Variants in ZDHHC1 observed in about 807,000 individuals in gnomAD.
The protein encoded by ZDHHC1 is zDHHC palmitoyltransferase 1, also known as palmitoyltransferase ZDHHC1.
Under a neutral mutation model 46.9 loss-of-function variants are expected in ZDHHC1, and 45 were observed. The observed-to-expected ratio is 0.96, with a 90% CI of 0.76 to 1.23. ZDHHC1 has a LOEUF of 1.23. Among genes scored for constraint, ZDHHC1 ranks in the 50% most tolerant of loss-of-function variants. The pLI, the probability that ZDHHC1 is intolerant of heterozygous loss-of-function variation, is 0.00. For missense variants in ZDHHC1, 649 were observed against 670.8 expected, an observed-to-expected ratio of 0.97 and a Z score of 0.36; for synonymous variants, 291 against 286.0, an observed-to-expected ratio of 1.02 and a Z score of -0.18.
At chr16:67,412,222 G>A (rs976433794) in intron 1 of ZDHHC1, among the ~76,000 whole-genome samples, 2 of 152,042 alleles carry the variant, frequency 1.3e-5, no homozygotes, top group African/African-American at 4.8e-5. Flanking sequence ...GCATCCCCTA[G>A]GAATGAGACC....
rs1318735072 is a variant in ZDHHC1, at chr16:67,401,922, C to T, written c.253-790G>A. Reference sequence around the variant, plus strand: ...TCCACTCTCCCTCCCTTGATCACACCCACTTCAGCCCAAAATTCCACTGGT... The same window carrying T: ...TCCACTCTCCCTCCCTTGATCACACTCACTTCAGCCCAAAATTCCACTGGT... On this transcript the variant is annotated intron_variant, in intron 3 of 11. Transcript: ENST00000565726. This position sits in a 1 kb window ranked among gnomAD's most constrained non-coding sequence, Gnocchi z 4.6. Among the ~76,000 whole-genome samples, 1 of 152,184 alleles carries T rather than the reference C, an allele frequency of 6.6e-6. No homozygotes were observed. The highest frequency in any genetic ancestry group is 1.5e-5 in the Non-Finnish European group (1 of 68,020).
rs778766927 is a variant in ZDHHC1, at chr16:67,399,458, T to C, written c.429-2A>G. On this transcript the variant is annotated splice_acceptor_variant, in intron 4 of 11. Transcript: ENST00000565726. LOFTEE classifies it high-confidence loss of function. ...CTGCAGTGCTTGGAGCGAGCGCTCC[T>C]GCAGGGAGAGGGGGCACAGCGCGAT... is the stretch of plus-strand genomic sequence containing the variant. The C allele has an allele frequency of 1.2e-6, 2 of 1,608,716 alleles. No individual in the cohort carries two copies. The highest frequency in any genetic ancestry group is 1.7e-6 in the Non-Finnish European group (2 of 1,176,942).
intron 7 of ZDHHC1, 120 bp downstream of exon 7, chr16:67,398,453 G>A: frequency 6.6e-7 from 1 of 1,512,760 alleles, no homozygotes; most frequent in Non-Finnish European, 8.9e-7. Context: ...GTGAGACCTG[G>A]CCACCATAGT....
chr16:67,401,040 A>G lies in ZDHHC1; in HGVS notation c.345T>C (p.Tyr115=), dbSNP rs745838350. 3.1e-6 allele frequency: 5 copies of G among 1,614,156 alleles called. No individual in the cohort carries two copies. Among genetic ancestry groups the G allele is most frequent in the Non-Finnish European group, 4.2e-6 (5 of 1,180,038 alleles). Reference sequence around the variant, plus strand: ...GGTTGAAGATGGGCAGGGGCCCCGCATAGCTCTTGTCCCGCACGTTGGCAT... The same window carrying G: ...GGTTGAAGATGGGCAGGGGCCCCGCGTAGCTCTTGTCCCGCACGTTGGCAT... ...PADANVRDKS[Y]AGPLPIFNRS... Residue 115 remains tyrosine, a synonymous_variant, in exon 4 of 12, where the codon TAT becomes TAC. Transcript: ENST00000565726. This position sits in a 1 kb window ranked among gnomAD's most constrained non-coding sequence, Gnocchi z 4.6.
intron 5 of ZDHHC1, 38 bp from the exon 6 acceptor site, chr16:67,398,982 C>G: frequency 6.2e-7 from 1 of 1,602,878 alleles, no homozygotes; most frequent in East Asian, 2.3e-5. Context: ...CTCCCCGGAG[C>G]TCCAGCCTCA....
At chr16:67,414,535 C>G (rs1247953996) in intron 1 of ZDHHC1, among the ~76,000 whole-genome samples, 1 of 152,230 alleles carries the variant, frequency 6.6e-6, no homozygotes, top group African/African-American at 2.4e-5. Context: ...CCAACACCAG[C>G]ATTTAGAATG....
chr16:67,394,583 A>ACTCGGCCCTCCGGCCT lies in ZDHHC1; in HGVS notation c.*11_*26dup. 1 of 1,155,058 alleles carries ACTCGGCCCTCCGGCCT rather than the reference A, an allele frequency of 8.7e-7. No individual in the cohort carries two copies. The highest frequency in any genetic ancestry group is 1.1e-6 in the Non-Finnish European group (1 of 939,376). The allele number at this position is 1,155,058 out of a possible 1,614,324, so 71.6% of individuals were successfully genotyped here. ...ATAGAGAGTCAGGCCGGCCGCTCTA[A>ACTCGGCCCTCCGGCCT]CTCGGCCCTCCGGCCTCTCGGCCCA... On this transcript the variant is annotated 3_prime_UTR_variant, in exon 12 of 12. Coordinates refer to ENST00000565726, the MANE Select transcript of ZDHHC1 (RefSeq NM_001323627.2).
At chr16:67,407,522 T>G (rs961448221) in intron 2 of ZDHHC1, among the ~76,000 whole-genome samples, 1 of 152,204 alleles carries the variant, frequency 6.6e-6, no homozygotes, top group East Asian at 1.9e-4. Flanking sequence ...ATCCACAGAA[T>G]GAGGCTTGAT....
chr16:67,403,906 G>A (rs924275794), intron 3 of ZDHHC1, among the ~76,000 whole-genome samples: 5 of 152,268 alleles, frequency 3.3e-5, no homozygotes, highest in African/African-American at 9.6e-5. Context: ...GAACCATCGC[G>A]CCCGGCCTTG....
intron 3 of ZDHHC1, among the ~76,000 whole-genome samples, chr16:67,402,280 T>A (rs1250834158): frequency 1.3e-5 from 2 of 152,196 alleles, no homozygotes; most frequent in African/African-American, 4.8e-5. Context: ...GAGTAAGTTT[T>A]TAAAAGCTCA....
chr16:67,412,924 C>G (rs1263115311), intron 1 of ZDHHC1, among the ~76,000 whole-genome samples: 1 of 151,958 alleles, frequency 6.6e-6, no homozygotes, highest in Non-Finnish European at 1.5e-5. Context: ...CCTCAGCCTC[C>G]CGAGTAGCTG....
At position 67,406,006 on chromosome 16, in the gene ZDHHC1, C is replaced by G. The variant is rs1459370032; in HGVS notation, c.252+194G>C. ...AGGTATTTTAGGCATGCCCACTCAC[C>G]CTATCAGGTGGAGAGGTCAGGTGGA... On this transcript the variant is annotated intron_variant, in intron 3 of 11. Transcript: ENST00000565726. This position sits in a 1 kb window ranked among gnomAD's most constrained non-coding sequence, Gnocchi z 4.1. 2.6e-5 allele frequency among the ~76,000 whole-genome samples: 4 copies of G among 152,174 alleles called. No homozygotes were observed. The South Asian group carries it at 6.2e-4, about 24-fold the overall frequency.
Position 67,394,539 on chromosome 16 carries a change from G to A in ZDHHC1, c.*71C>T. ...GGGGCCCCTAAAGTGCACTCGGTGC[G>A]GCAAGGATGGGGTGTTGCATAGAGA... On this transcript the variant is annotated 3_prime_UTR_variant, in exon 12 of 12. Transcript: ENST00000565726. 2.7e-6 allele frequency: 3 copies of A among 1,117,390 alleles called. No individual in the cohort carries two copies. The highest frequency in any genetic ancestry group is 1.6e-5 in the African/African-American group (1 of 60,726). The allele number at this position is 1,117,390 out of a possible 1,614,324, so 69.2% of individuals were successfully genotyped here. A position where few individuals can be genotyped will look rare whatever the true frequency, so the allele number is the denominator to read the frequency against.
At chr16:67,412,550 G>C (rs931786074) in intron 1 of ZDHHC1, among the ~76,000 whole-genome samples, 1 of 152,208 alleles carries the variant, frequency 6.6e-6, no homozygotes, top group African/African-American at 2.4e-5. Context: ...GCAGAGCTAT[G>C]AGGAAAAGCC....
chr16:67,400,306 G>C (rs183003223), intron 4 of ZDHHC1, among the ~76,000 whole-genome samples: 1 of 152,340 alleles, frequency 6.6e-6, no homozygotes, highest in East Asian at 1.9e-4. Flanking sequence ...CTGGAGACTG[G>C]GGGGCTCCAG....
intron 8 of ZDHHC1, 192 bp from the exon 9 acceptor site, chr16:67,395,758 C>T (rs2040419259): frequency 1.6e-6 from 1 of 614,520 alleles, no homozygotes; most frequent in Non-Finnish European, 2.8e-6. Context: ...GGCCCTTGCC[C>T]CATCCCCAGG....
At chr16:67,399,520 C>A in intron 4 of ZDHHC1, 64 bp from the exon 5 acceptor site, 1 of 1,447,698 alleles carries the variant, frequency 6.9e-7, no homozygotes, top group South Asian at 1.2e-5. Flanking sequence ...CCCGGCCGGT[C>A]GGGGTGGTTG....
At chr16:67,398,153 C>G in intron 8 of ZDHHC1, 59 bp downstream of exon 8, 1 of 1,546,028 alleles carries the variant, frequency 6.5e-7, no homozygotes, top group Non-Finnish European at 8.9e-7. Flanking sequence ...ACTGGCTGCT[C>G]GCTGCACAGC....
rs746721157 is a variant in ZDHHC1 at position 67,395,490 on chromosome 16, T to C, written c.1004A>G (p.Asn335Ser). ...PPGQAGPAAV[N>S]ANPSQFLATR... ...ATGCCCAGGTTGCACTCACTTGGCA[T>C]TCACTGCTGCTGGCCCGGCCTGGCC... The change falls in exon 9 of 12, where the codon AAT becomes AGT. Residue 335 changes from asparagine (N) to serine (S), a missense_variant. Asn to Ser is a conservative substitution (Grantham distance 46). Coordinates refer to ENST00000565726, the MANE Select transcript of ZDHHC1 (RefSeq NM_001323627.2). The C allele has an allele frequency of 3.0e-5, 47 of 1,553,344 alleles. No homozygotes were observed. In the Admixed American group the frequency reaches 4.7e-4, roughly 16 times the overall value.
Sources: allele counts gnomAD v4.1 joint callset (sites outside exome capture counted in the v4.1 genomes callset), GRCh38; gene constraint gnomAD v4.1.1; non-coding constraint Gnocchi (gnomAD v3.1); transcripts MANE v1.5; gene names NCBI Gene and HGNC (gene_info 2026-07-23, HGNC 2026-07-21).